FBXL13: variants seen among roughly 807,000 people sequenced by gnomAD.
The protein encoded by FBXL13 is F-box and leucine-rich repeat protein 13.
FBXL13 carries 67 observed loss-of-function variants against 83.6 expected under a neutral mutation model. The observed-to-expected ratio is 0.80, with a 90% CI of 0.66 to 0.98. The LOEUF (loss-of-function observed/expected upper bound fraction) is 0.98, where lower values mean the gene tolerates loss of function less well. Ranked by LOEUF, FBXL13 falls within the 50% of genes least tolerant of loss-of-function variation. The probability of loss-of-function intolerance (pLI) is 0.00; values close to 1 mark genes in which losing one functional copy is unlikely to be tolerated. For synonymous variants in FBXL13, 272 were observed against 299.5 expected (o/e 0.91, Z 0.95); for missense variants, 822 against 866.5 (o/e 0.95, Z 0.64).
At chr7:102,905,025 A>G (rs974011284) in intron 11 of FBXL13, among the ~76,000 whole-genome samples, 1 of 151,924 alleles carries the variant, frequency 6.6e-6, no homozygotes. Context: ...TGTTTTGTGA[A>G]CTAACATATG....
intron 8 of FBXL13, among the ~76,000 whole-genome samples, chr7:102,952,365 T>C (rs1278475599): frequency 6.6e-6 from 1 of 152,140 alleles, no homozygotes; most frequent in Non-Finnish European, 1.5e-5. Context: ...GTTACATATT[T>C]TTTACAACAA....
chr7:103,054,214 G>A (rs1433194285), intron 2 of FBXL13, among the ~76,000 whole-genome samples: 1 of 151,692 alleles, frequency 6.6e-6, no homozygotes, highest in Non-Finnish European at 1.5e-5. Flanking sequence ...GTGAAACCCC[G>A]TTTTTACTAA....
intron 6 of FBXL13, chr7:102,976,096 C>A (rs1827401953): frequency 1.3e-6 from 1 of 766,470 alleles, no homozygotes; most frequent in Middle Eastern, 2.3e-4. Flanking sequence ...CCACCCCCAT[C>A]CCTTCCTGAG....
intron 6 of FBXL13, among the ~76,000 whole-genome samples, chr7:102,984,008 A>C (rs1196687251): frequency 6.6e-6 from 1 of 152,252 alleles, no homozygotes; most frequent in Non-Finnish European, 1.5e-5. Context: ...ACCTAATTAT[A>C]TTCATGTGAT....
intron 6 of FBXL13, among the ~76,000 whole-genome samples, chr7:103,013,101 T>C (rs897382571): frequency 3.9e-5 from 6 of 152,220 alleles, no homozygotes; most frequent in Admixed American, 3.9e-4. Context: ...CTATCTATCA[T>C]AAATATCTAT....
chr7:102,943,221 C>T (rs1821793844), intron 8 of FBXL13, among the ~76,000 whole-genome samples: 1 of 152,036 alleles, frequency 6.6e-6, no homozygotes, highest in Non-Finnish European at 1.5e-5. Context: ...ATCCCAGGAA[C>T]TGTCAGATCA....
chr7:102,851,288 T>C (rs1156758476), intron 17 of FBXL13, among the ~76,000 whole-genome samples: 2 of 152,204 alleles, frequency 1.3e-5, no homozygotes, highest in African/African-American at 4.8e-5. Context: ...CAGTCTCCTG[T>C]TAGTCATGTT....
intron 8 of FBXL13, among the ~76,000 whole-genome samples, chr7:102,957,423 A>C (rs1021097662): frequency 8.5e-5 from 13 of 152,272 alleles, no homozygotes; most frequent in African/African-American, 2.9e-4. Context: ...ACCTAAAACC[A>C]TAAAAACCCT....
rs527566523 is a variant in FBXL13, at chr7:102,891,536, C to G, written c.1009-7224G>C. The stretch of plus-strand genomic sequence containing the variant: ...CTGGTGCAGAGTGTTTGTTAATAGA[C>G]CAAGTAGTTGTTGAATGAATTGTTT... On this transcript the variant is annotated intron_variant, in intron 11 of 19. Coordinates refer to ENST00000313221, the Ensembl canonical transcript of FBXL13. Among the ~76,000 whole-genome samples, 3 of 152,220 alleles carry G rather than the reference C, an allele frequency of 2.0e-5. No individual in the cohort carries two copies. In the East Asian group the frequency reaches 5.8e-4, roughly 29 times the overall value.
At chr7:102,993,208 A>C (rs1829760697) in intron 6 of FBXL13, among the ~76,000 whole-genome samples, 1 of 152,194 alleles carries the variant, frequency 6.6e-6, no homozygotes, top group African/African-American at 2.4e-5. Flanking sequence ...CAAAACATAG[A>C]TCTGAAAAGT....
chr7:102,987,816 TG>T (rs1362167035), intron 6 of FBXL13, among the ~76,000 whole-genome samples: 1 of 151,902 alleles, frequency 6.6e-6, no homozygotes, highest in East Asian at 1.9e-4. Context: ...TACAGAGGGG[TG>T]GGGAGTAGTC....
At chr7:102,963,755 T>C in intron 7 of FBXL13, 90 bp from the exon 9 acceptor site, 7 of 1,266,094 alleles carry the variant, frequency 5.5e-6, no homozygotes, top group Non-Finnish European at 7.5e-6. Context: ...GTGACCTAAT[T>C]AAACTAAAGA....
chr7:102,948,674 G>C (rs1193440112), intron 8 of FBXL13, among the ~76,000 whole-genome samples: 13 of 150,666 alleles, frequency 8.6e-5, no homozygotes, highest in Admixed American at 8.6e-4. Context: ...TGCCTGCCTT[G>C]GCCTCCCAAA....
At chr7:102,827,147 C>T (rs1799878021) in intron 18 of FBXL13, 1 of 455,084 alleles carries the variant, frequency 2.2e-6, no homozygotes, top group African/African-American at 2.0e-5. Flanking sequence ...CTTGCAGCTT[C>T]TACCTTTAGC....
intron 16 of FBXL13, among the ~76,000 whole-genome samples, chr7:102,859,312 C>T (rs762134885): frequency 2.0e-5 from 3 of 152,128 alleles, no homozygotes. Context: ...TAAAAATTGC[C>T]TCATGCTGGT....
At chr7:102,911,216 T>G (rs1462427799) in intron 11 of FBXL13, among the ~76,000 whole-genome samples, 1 of 152,218 alleles carries the variant, frequency 6.6e-6, no homozygotes, top group Non-Finnish European at 1.5e-5. Context: ...GGTCATAGAT[T>G]TGAAGCCTCT....
chr7:102,853,848 G>A (rs867049461), intron 17 of FBXL13, among the ~76,000 whole-genome samples: 27 of 152,128 alleles, frequency 1.8e-4, no homozygotes, highest in East Asian at 5.8e-4. Flanking sequence ...TTAGAATGGC[G>A]ATCATTAAAA....
chr7:102,868,116 T>C (rs1254748854), intron 16 of FBXL13, among the ~76,000 whole-genome samples: 3 of 152,178 alleles, frequency 2.0e-5, no homozygotes, highest in Admixed American at 1.3e-4. Flanking sequence ...TCAGAGTAAT[T>C]AGCATATCTA....
At chr7:102,833,719 A>G (rs1301290396) in intron 17 of FBXL13, among the ~76,000 whole-genome samples, 2 of 151,644 alleles carry the variant, frequency 1.3e-5, no homozygotes, top group African/African-American at 4.9e-5. Flanking sequence ...CACTGTGCCC[A>G]GCTCCTCTTT....
Sources: allele counts gnomAD v4.1 joint callset (sites outside exome capture counted in the v4.1 genomes callset), GRCh38; gene constraint gnomAD v4.1.1; transcripts MANE v1.5; gene names NCBI Gene and HGNC (gene_info 2026-07-23, HGNC 2026-07-21).